TEAD1: variants seen among roughly 807,000 people sequenced by gnomAD.
The protein encoded by TEAD1 is transcriptional enhancer factor TEF-1.
In TEAD1, 9 loss-of-function variants were observed where a neutral mutation model predicts 54.9. That is an observed-to-expected ratio of 0.16 (90% CI 0.10 to 0.29). The LOEUF (loss-of-function observed/expected upper bound fraction) is 0.29. Ranked by LOEUF, TEAD1 falls within the 10% of genes least tolerant of loss-of-function variation. TEAD1 has a pLI of 1.00. For synonymous variants in TEAD1, 200 were observed against 187.8 expected (o/e 1.07, Z -0.53); for missense variants, 387 against 535.9 (o/e 0.72, Z 2.74).
intron 3 of TEAD1, among the ~76,000 whole-genome samples, chr11:12,853,643 A>G (rs1302243435): frequency 6.6e-6 from 1 of 152,260 alleles, no homozygotes; most frequent in Non-Finnish European, 1.5e-5. Flanking sequence ...TCTATCTAAC[A>G]TAGCAGTGTT....
chr11:12,725,622 AT>A (rs1295160559), intron 2 of TEAD1, among the ~76,000 whole-genome samples: 1 of 150,260 alleles, frequency 6.7e-6, no homozygotes, highest in Admixed American at 6.6e-5. Context: ...TAAAAAAAAA[AT>A]TAAAAAATAT....
chr11:12,888,998 G>T (rs1380796174), intron 9 of TEAD1, among the ~76,000 whole-genome samples: 1 of 152,206 alleles, frequency 6.6e-6, no homozygotes, highest in East Asian at 1.9e-4. Flanking sequence ...GCTTCCCCAA[G>T]TTGGTGGTGG....
intron 2 of TEAD1, among the ~76,000 whole-genome samples, chr11:12,689,529 CGGA>C (rs1413159790): frequency 2.6e-5 from 4 of 152,140 alleles, no homozygotes; most frequent in Non-Finnish European, 5.9e-5. Context: ...TGCTGACTCG[CGGA>C]GAAGTGTCTC....
At chr11:12,862,584 T>C (rs1174296327) in intron 4 of TEAD1, among the ~76,000 whole-genome samples, 1 of 152,194 alleles carries the variant, frequency 6.6e-6, no homozygotes, top group Non-Finnish European at 1.5e-5. Context: ...TGTACTGTAT[T>C]TCAAAGCTGA....
chr11:12,902,068 G>T lies in TEAD1; in HGVS notation c.828G>T (p.Leu276=), dbSNP rs767260116. The T allele has an allele frequency of 6.2e-7, 1 of 1,614,240 alleles. No individual in the cohort carries two copies. The highest frequency in any genetic ancestry group is 8.5e-7 in the Non-Finnish European group (1 of 1,180,042). The change falls in exon 10 of 13, where the codon CTG becomes CTT. Residue 276 remains leucine, a synonymous_variant. Coordinates refer to ENST00000527636, the MANE Select transcript of TEAD1 (RefSeq NM_021961.6). The stretch of plus-strand genomic sequence containing the variant: ...AAAAGAAAGGTGGCTTAAAGGAACT[G>T]TTTGGAAAGGGCCCTCAAAATGCCT...
chr11:12,874,140 T>TG (rs1431669564), intron 5 of TEAD1, among the ~76,000 whole-genome samples: 1 of 152,262 alleles, frequency 6.6e-6, no homozygotes, highest in African/African-American at 2.4e-5. Context: ...TTGATTATGC[T>TG]GTTCATTAAA....
rs190256237 is a variant in TEAD1 at position 12,719,937 on chromosome 11, T to G, written c.-54-44242T>G. 2.2e-3 allele frequency among the ~76,000 whole-genome samples: 318 copies of G among 143,170 alleles called. 13 individuals carry two copies. Among genetic ancestry groups the G allele is most frequent in the African/African-American group, 7.8e-3 (305 of 39,294 alleles). 93.9% of individuals were successfully genotyped at this position (143,170 alleles called of 152,430 possible). A position where few individuals can be genotyped will look rare whatever the true frequency, so the allele number is the denominator to read the frequency against. On this transcript the variant is annotated intron_variant, in intron 2 of 12. Coordinates refer to ENST00000527636, the MANE Select transcript of TEAD1 (RefSeq NM_021961.6). ...TCAACTTTGCAAACCGGCGTGTGTT[T>G]GGAAATCTAATGTTTTTTTTTTTTT...
intron 3 of TEAD1, among the ~76,000 whole-genome samples, chr11:12,852,425 T>C (rs962164437): frequency 6.7e-6 from 1 of 149,362 alleles, no homozygotes; most frequent in Non-Finnish European, 1.5e-5. Flanking sequence ...AAGTTCAGGC[T>C]CCATTAAATC....
intron 10 of TEAD1, among the ~76,000 whole-genome samples, chr11:12,915,549 C>T (rs1948694841): frequency 6.6e-6 from 1 of 152,202 alleles, no homozygotes; most frequent in Non-Finnish European, 1.5e-5. Context: ...GAAATTTAAA[C>T]CAAACAGATC....
In TEAD1 at chr11:12,940,330, C is replaced by T. The variant is rs997114235; in HGVS notation, c.*3108C>T. ...GATTTACTAATATCCCTGGCCTCTA[C>T]CCAGTAGTACCACTAGCACCTATTC... On this transcript the variant is annotated 3_prime_UTR_variant, in exon 13 of 13. Transcript: ENST00000527636. 3 of 152,148 alleles carry T rather than the reference C, an allele frequency of 2.0e-5. No individual in the cohort carries two copies. Among genetic ancestry groups the T allele is most frequent in the East Asian group, 1.9e-4 (1 of 5,200 alleles). The allele number at this position is 152,148 out of a possible 1,614,324, so 9.4% of individuals were successfully genotyped here. A position where few individuals can be genotyped will look rare whatever the true frequency, so the allele number is the denominator to read the frequency against.
intron 2 of TEAD1, among the ~76,000 whole-genome samples, chr11:12,761,108 T>A (rs1434395469): frequency 6.6e-6 from 1 of 152,180 alleles, no homozygotes; most frequent in African/African-American, 2.4e-5. Context: ...AATAAAAACG[T>A]GAGCATTTAA....
At chr11:12,805,971 T>C (rs1946163033) in intron 3 of TEAD1, among the ~76,000 whole-genome samples, 1 of 152,216 alleles carries the variant, frequency 6.6e-6, no homozygotes, top group African/African-American at 2.4e-5. Flanking sequence ...GGGGTCTGTG[T>C]GAGCTTCTCA....
intron 10 of TEAD1, among the ~76,000 whole-genome samples, chr11:12,921,547 A>G (rs1356331069): frequency 3.9e-5 from 6 of 152,052 alleles, no homozygotes; most frequent in Non-Finnish European, 7.4e-5. Context: ...TCAAAAAAAA[A>G]AAAAAAAAAT....
At chr11:12,684,398 G>A (rs1943289427) in intron 2 of TEAD1, among the ~76,000 whole-genome samples, 2 of 152,258 alleles carry the variant, frequency 1.3e-5, no homozygotes, top group East Asian at 1.9e-4. Flanking sequence ...TTGGGGTTGG[G>A]TTGTAAAAGT....
At chr11:12,874,145 A>G (rs1298663169) in intron 5 of TEAD1, among the ~76,000 whole-genome samples, 1 of 152,246 alleles carries the variant, frequency 6.6e-6, no homozygotes, top group Non-Finnish European at 1.5e-5. Context: ...TATGCTGTTC[A>G]TTAAAATTCC....
chr11:12,674,482 T>TGCTGCC lies in TEAD1; in HGVS notation c.-557_-552dup, dbSNP rs1378094592. 1 of 151,536 alleles carries TGCTGCC rather than the reference T, an allele frequency of 6.6e-6. No homozygotes were observed. The highest frequency in any genetic ancestry group is 1.5e-5 in the Non-Finnish European group (1 of 68,232). 9.4% of individuals were successfully genotyped at this position (151,536 alleles called of 1,614,324 possible). ...CGCCGCCTGAGCCGAGCCGAGCCTC[T>TGCTGCC]GCTGCCGCCGCCGCGGCCCCGCCGC... On this transcript the variant is annotated 5_prime_UTR_variant, in exon 1 of 13. Coordinates refer to ENST00000527636, the MANE Select transcript of TEAD1 (RefSeq NM_021961.6).
At chr11:12,874,973 G>A (rs1589948505) in intron 5 of TEAD1, among the ~76,000 whole-genome samples, 2 of 152,122 alleles carry the variant, frequency 1.3e-5, no homozygotes, top group African/African-American at 4.8e-5. Flanking sequence ...TTTCTAGGAT[G>A]CAATTTTCTT....
At chr11:12,852,529 C>T (rs1401153293) in intron 3 of TEAD1, among the ~76,000 whole-genome samples, 1 of 151,594 alleles carries the variant, frequency 6.6e-6, no homozygotes, top group Non-Finnish European at 1.5e-5. Context: ...CTCACTGCAA[C>T]CTCCGCCCCC....
intron 11 of TEAD1, among the ~76,000 whole-genome samples, chr11:12,928,865 T>C (rs1948954289): frequency 6.6e-6 from 1 of 152,200 alleles, no homozygotes; most frequent in Non-Finnish European, 1.5e-5. Context: ...CTTACCAATT[T>C]TTGTGGTGAG....
Sources: gnomAD v4.1 joint callset for allele counts (sites outside exome capture counted in the v4.1 genomes callset) on GRCh38, gnomAD v4.1.1 for gene constraint, MANE v1.5 for transcripts, NCBI Gene and HGNC (gene_info 2026-07-23, HGNC 2026-07-21) for gene names.